The following FARS2 variants were observed in gnomAD, a reference collection of about 807,000 sequenced individuals.
FARS2 encodes phenylalanine--tRNA ligase, mitochondrial.
In FARS2, 40 loss-of-function variants were observed where a neutral mutation model predicts 46.4. The ratio of observed to expected loss-of-function variants is 0.86; its 90% confidence interval spans 0.67 to 1.12. The LOEUF (loss-of-function observed/expected upper bound fraction) is 1.12. FARS2 is among the 50% of genes most tolerant of loss of function. FARS2 has a pLI of 0.00. For synonymous variants in FARS2, 234 were observed against 214.9 expected (o/e 1.09, Z -0.78); for missense variants, 513 against 567.9 (o/e 0.90, Z 0.98).
chr6:5,439,722 C>T (rs926874999), intron 4 of FARS2, among the ~76,000 whole-genome samples: 3 of 152,174 alleles, frequency 2.0e-5, no homozygotes, highest in Admixed American at 2.0e-4. Context: ...CTCCACTTGT[C>T]TATTTACTCT....
chr6:5,757,971 A>G (rs763134393), intron 6 of FARS2, among the ~76,000 whole-genome samples: 26 of 152,244 alleles, frequency 1.7e-4, no homozygotes, highest in Non-Finnish European at 2.9e-4. Flanking sequence ...AGAGAAGTAC[A>G]TGGTTCTAGG....
intron 1 of FARS2, among the ~76,000 whole-genome samples, chr6:5,358,500 G>C (rs2081358): frequency 0.15 from 23,244 of 152,070 alleles, 2,692 homozygotes; most frequent in African/African-American, 0.33. Flanking sequence ...TTGTGTAAGA[G>C]AGAGAGAGAA....
At chr6:5,301,768 G>T (rs534701240) in intron 1 of FARS2, among the ~76,000 whole-genome samples, 1 of 150,972 alleles carries the variant, frequency 6.6e-6, no homozygotes, top group African/African-American at 2.4e-5. Flanking sequence ...CCAGCCTGCT[G>T]GGTGACAGAG....
intron 2 of FARS2, among the ~76,000 whole-genome samples, chr6:5,385,407 T>C (rs1760052322): frequency 6.7e-6 from 1 of 148,400 alleles, no homozygotes; most frequent in Non-Finnish European, 1.5e-5. Flanking sequence ...GCTTGGGAGT[T>C]TCTTTTCTTT....
At chr6:5,694,075 G>C (rs1400612269) in intron 6 of FARS2, among the ~76,000 whole-genome samples, 1 of 152,264 alleles carries the variant, frequency 6.6e-6, no homozygotes, top group Non-Finnish European at 1.5e-5. Flanking sequence ...TTGGATGATA[G>C]CATTGCTGCT....
Position 5,565,719 on chromosome 6 carries a change from A to G in FARS2, c.1065+20379A>G, listed in dbSNP as rs567574313. ...CATTTCGGCAATCTCATGTGACTAA[A>G]CATCTCAAATGATCCTGTTTACCTC... On this transcript the variant is annotated intron_variant, in intron 5 of 6. Transcript: ENST00000274680. Among the ~76,000 whole-genome samples, 197 of 152,334 alleles carry G rather than the reference A, an allele frequency of 1.3e-3. 2 individuals carry two copies. The highest frequency in any genetic ancestry group is 5.2e-3 in the Admixed American group (80 of 15,306).
intron 6 of FARS2, among the ~76,000 whole-genome samples, chr6:5,623,054 G>C (rs536436076): frequency 1.4e-4 from 22 of 152,340 alleles, no homozygotes; most frequent in African/African-American, 4.6e-4. Flanking sequence ...TCACACCTTA[G>C]ATGTGTGATG....
chr6:5,726,964 T>C (rs1340748852), intron 6 of FARS2, among the ~76,000 whole-genome samples: 1 of 152,200 alleles, frequency 6.6e-6, no homozygotes, highest in Non-Finnish European at 1.5e-5. Flanking sequence ...TGGTCTTGGT[T>C]AAAACAAGCA....
chr6:5,433,965 G>A (rs769093919), intron 4 of FARS2, among the ~76,000 whole-genome samples: 12 of 152,172 alleles, frequency 7.9e-5, no homozygotes, highest in Non-Finnish European at 1.5e-4. Context: ...CTGCTGTTCT[G>A]CAATTAGATC....
intron 1 of FARS2, among the ~76,000 whole-genome samples, chr6:5,315,572 G>C (rs1262151134): frequency 6.6e-6 from 1 of 152,130 alleles, no homozygotes; most frequent in East Asian, 1.9e-4. Context: ...AAGGAGAAAT[G>C]ATCAAATCAC....
intron 6 of FARS2, among the ~76,000 whole-genome samples, chr6:5,687,873 C>G (rs552024774): frequency 1.2e-4 from 18 of 152,260 alleles, no homozygotes; most frequent in Admixed American, 2.0e-4. Flanking sequence ...TCTTTTATTT[C>G]TTTGAGCAGT....
intron 4 of FARS2, among the ~76,000 whole-genome samples, chr6:5,532,258 G>T (rs1769888699): frequency 6.6e-6 from 1 of 152,222 alleles, no homozygotes; most frequent in Non-Finnish European, 1.5e-5. Context: ...GTTTCAGCAT[G>T]AATCTAGGGG....
At chr6:5,388,754 A>G (rs547479221) in intron 2 of FARS2, among the ~76,000 whole-genome samples, 2 of 152,012 alleles carry the variant, frequency 1.3e-5, no homozygotes, top group Admixed American at 1.3e-4. Context: ...CATGTAACCT[A>G]TATGGAATCA....
At chr6:5,741,781 G>A (rs1240426117) in intron 6 of FARS2, among the ~76,000 whole-genome samples, 1 of 152,220 alleles carries the variant, frequency 6.6e-6, no homozygotes, top group Non-Finnish European at 1.5e-5. Context: ...CTCCTGAGCA[G>A]CTGGGATTAC....
At chr6:5,494,648 T>C (rs548491726) in intron 4 of FARS2, among the ~76,000 whole-genome samples, 2 of 152,338 alleles carry the variant, frequency 1.3e-5, no homozygotes, top group East Asian at 1.9e-4. Flanking sequence ...TCCTTTCCAC[T>C]TGGAGTATTC....
At chr6:5,651,214 A>G (rs763950818) in intron 6 of FARS2, among the ~76,000 whole-genome samples, 1 of 152,200 alleles carries the variant, frequency 6.6e-6, no homozygotes, top group Admixed American at 6.5e-5. Flanking sequence ...CTGAAATCCA[A>G]GTTGGCAGGG....
chr6:5,510,044 C>T (rs1750379743), intron 4 of FARS2, among the ~76,000 whole-genome samples: 1 of 152,140 alleles, frequency 6.6e-6, no homozygotes, highest in African/African-American at 2.4e-5. Context: ...AGAGTGTCAT[C>T]TGGATAGATG....
intron 5 of FARS2, among the ~76,000 whole-genome samples, chr6:5,552,477 G>C (rs1043414001): frequency 6.6e-6 from 1 of 152,120 alleles, no homozygotes; most frequent in Non-Finnish European, 1.5e-5. Context: ...GTTGGCTTCT[G>C]TGGTGTCTTT....
chr6:5,267,548 A>G (rs894194171), intron 1 of FARS2, among the ~76,000 whole-genome samples: 2 of 152,106 alleles, frequency 1.3e-5, no homozygotes, highest in Non-Finnish European at 2.9e-5. Flanking sequence ...CAGGAGATGG[A>G]GACCATCCTG....
Sources: gnomAD v4.1 joint callset for allele counts (sites outside exome capture counted in the v4.1 genomes callset) on GRCh38, gnomAD v4.1.1 for gene constraint, MANE v1.5 for transcripts, NCBI Gene and HGNC (gene_info 2026-07-23, HGNC 2026-07-21) for gene names.